The following SLTM variants were observed in gnomAD, a reference collection of about 807,000 sequenced individuals.
SLTM encodes SAFB-like transcription modulator.
SLTM carries 43 observed loss-of-function variants against 134.6 expected under a neutral mutation model. The ratio of observed to expected loss-of-function variants is 0.32; its 90% CI spans 0.25 to 0.41. SLTM has a LOEUF of 0.41. SLTM is among the 10% of genes least tolerant of loss of function. SLTM has a pLI of 1.00. For missense variants in SLTM, 1,055 were observed against 1,288.8 expected, an observed-to-expected ratio of 0.82 and a Z score of 2.78; for synonymous variants, 424 against 432.3, an observed-to-expected ratio of 0.98 and a Z score of 0.24.
At chr15:58,926,613 CTTTTT>C (rs377711971) in intron 2 of SLTM, among the ~76,000 whole-genome samples, 3 of 141,736 alleles carry the variant, frequency 2.1e-5, no homozygotes, top group African/African-American at 7.7e-5. Flanking sequence ...TCTGGATTAC[CTTTTT>C]TTTTTTTTTT....
intron 2 of SLTM, 46 bp downstream of exon 2, chr15:58,932,310 A>T (rs1387010594): frequency 6.9e-7 from 1 of 1,447,712 alleles, no homozygotes; most frequent in South Asian, 1.1e-5. Context: ...GAGGCAAGTT[A>T]TATAACCAAA....
chr15:58,889,660 A>C, intron 15 of SLTM, 106 bp from the exon 16 acceptor site: 1 of 1,426,582 alleles, frequency 7.0e-7, no homozygotes, highest in Non-Finnish European at 9.5e-7. Flanking sequence ...CATCATAAGC[A>C]AAGACCAGGC....
rs138265771 is a variant in SLTM at position 58,906,497 on chromosome 15, G to A, written c.562-5210C>T. Among the ~76,000 whole-genome samples the A allele has an allele frequency of 1.9e-3, 287 of 152,258 alleles. 8 individuals are homozygous for A. The highest frequency in any genetic ancestry group is 0.012 in the Admixed American group (188 of 15,302). On this transcript the variant is annotated intron_variant, in intron 5 of 20. Coordinates refer to ENST00000380516, the MANE Select transcript of SLTM (RefSeq NM_024755.4). ...AATGACTACTAAGAGACAAAGACAA[G>A]CCTAGGACTTATTTTTCAGTGAACC... is the stretch of plus-strand genomic sequence containing the variant.
chr15:58,894,283 C>T lies in SLTM; in HGVS notation c.1378-90G>A, dbSNP rs1302663502. 14 of 1,406,296 alleles carry T rather than the reference C, an allele frequency of 1.0e-5. No homozygotes were observed. The Middle Eastern group carries it at 7.6e-4, about 76-fold the overall frequency. The allele number at this position is 1,406,296 out of a possible 1,614,324, so 87.1% of individuals were successfully genotyped here. On this transcript the variant is annotated intron_variant, in intron 10 of 20. Coordinates refer to ENST00000380516, the MANE Select transcript of SLTM (RefSeq NM_024755.4). Reference sequence around the variant, plus strand: ...GTGCTAATGGCAGAAAATTTGGAAACGATAGGAAAAATATAAGGAGAGTAA... The same window carrying T: ...GTGCTAATGGCAGAAAATTTGGAAATGATAGGAAAAATATAAGGAGAGTAA...
In SLTM at chr15:58,886,220, T is replaced by A. The variant is rs7183085; in HGVS notation, c.2835+755A>T. Among the ~76,000 whole-genome samples the A allele has an allele frequency of 6.6e-3, 176 of 26,688 alleles. 1 individual carries two copies. The highest frequency in any genetic ancestry group is 0.015 in the African/African-American group (79 of 5,300). 17.5% of individuals were successfully genotyped at this position (26,688 alleles called of 152,430 possible). ...AAATGAAGCAGGAGAAAAAGAAGAG[T>A]GTGTGTGTGTGTGTGTGTGTGTGTG... On this transcript the variant is annotated intron_variant, in intron 19 of 20. Coordinates refer to ENST00000380516, the MANE Select transcript of SLTM (RefSeq NM_024755.4).
intron 9 of SLTM, 126 bp from the exon 10 acceptor site, chr15:58,894,708 T>TTG: frequency 7.5e-6 from 6 of 796,232 alleles, no homozygotes; most frequent in African/African-American, 3.6e-5. Flanking sequence ...GTCTCATGTT[T>TTG]TTTTTTTTTT....
rs769380453 is a variant in SLTM at position 58,933,599 on chromosome 15, T to G, written c.-34A>C. The G allele has an allele frequency of 5.9e-5, 91 of 1,538,558 alleles. No individual in the cohort carries two copies. Among genetic ancestry groups the G allele is most frequent in the Non-Finnish European group, 7.8e-5 (89 of 1,143,896 alleles). On this transcript the variant is annotated 5_prime_UTR_variant, in exon 1 of 21. Coordinates refer to ENST00000380516, the MANE Select transcript of SLTM (RefSeq NM_024755.4). ...AGCAGCGCGCTGCCGAGGCAGCGAG[T>G]GGGCTGCAGGGCGGCGGCAGCAGCG...
In SLTM at chr15:58,913,571, T is replaced by C; in HGVS notation, c.441A>G (p.Glu147=). 2 of 1,613,516 alleles carry C rather than the reference T, an allele frequency of 1.2e-6. No individual in the cohort carries two copies. The highest frequency in any genetic ancestry group is 1.7e-6 in the Non-Finnish European group (2 of 1,179,848). ...VHSKELLSAE[E]NKRAHELIEA... ...CTATTAATTCATGAGCTCTCTTGTT[T>C]TCTTCTGCAGAGAGTAACTCCTTGG... Residue 147 remains glutamate (E), a synonymous_variant, in exon 4 of 21, where the codon GAA becomes GAG. Transcript: ENST00000380516.
chr15:58,893,708 T>G lies in SLTM; in HGVS notation c.1648+113A>C, dbSNP rs1019124581. 2.0e-5 allele frequency: 23 copies of G among 1,155,526 alleles called. No individual in the cohort carries two copies. In the African/African-American group the frequency reaches 3.0e-4, roughly 15 times the overall value. 71.6% of individuals were successfully genotyped at this position (1,155,526 alleles called of 1,614,324 possible). A position where few individuals can be genotyped will look rare whatever the true frequency, so the allele number is the denominator to read the frequency against. On this transcript the variant is annotated intron_variant, in intron 12 of 20. Coordinates refer to ENST00000380516, the MANE Select transcript of SLTM (RefSeq NM_024755.4). Reference sequence around the variant, plus strand: ...TACTAGACCTCCTTTCCTACCACAATGACACCTAACAACAAAGCTTATATC... The same window carrying G: ...TACTAGACCTCCTTTCCTACCACAAGGACACCTAACAACAAAGCTTATATC...
At chr15:58,901,692 A>G (rs2035498983) in intron 5 of SLTM, among the ~76,000 whole-genome samples, 1 of 152,216 alleles carries the variant, frequency 6.6e-6, no homozygotes. Flanking sequence ...CAGAAAGTAT[A>G]ATCTGTAGAC....
intron 2 of SLTM, among the ~76,000 whole-genome samples, chr15:58,922,632 ATATATAT>A (rs1436768995): frequency 6.8e-5 from 10 of 147,128 alleles, no homozygotes; most frequent in South Asian, 4.2e-4. Context: ...CATGTATAAA[ATATATAT>A]TATATATTAT....
intron 2 of SLTM, chr15:58,921,350 A>G (rs2037029848): frequency 6.3e-6 from 1 of 158,710 alleles, no homozygotes; most frequent in South Asian, 1.7e-4. Context: ...ATCTCTGAGG[A>G]GTTACAATGT....
At chr15:58,902,059 G>T (rs2035521992) in intron 5 of SLTM, among the ~76,000 whole-genome samples, 1 of 152,044 alleles carries the variant, frequency 6.6e-6, no homozygotes, top group Non-Finnish European at 1.5e-5. Context: ...TTAAGAATGT[G>T]CTAGCTTAAA....
intron 3 of SLTM, among the ~76,000 whole-genome samples, chr15:58,915,576 A>T (rs1041920807): frequency 1.2e-4 from 19 of 152,232 alleles, no homozygotes; most frequent in Non-Finnish European, 2.1e-4. Context: ...ACCAAAACTT[A>T]AAGGCTCAAA....
chr15:58,884,417 C>G (rs1435985093), intron 19 of SLTM, among the ~76,000 whole-genome samples: 1 of 152,074 alleles, frequency 6.6e-6, no homozygotes. Flanking sequence ...CCCCCGGATT[C>G]AAGCGATTCT....
chr15:58,916,836 C>A, intron 3 of SLTM, 99 bp downstream of exon 3: 1 of 913,776 alleles, frequency 1.1e-6, no homozygotes, highest in Non-Finnish European at 1.7e-6. Flanking sequence ...CTTTAACCTA[C>A]ATACTTCAGT....
chr15:58,916,904 A>C (rs1027907575), intron 3 of SLTM, 31 bp downstream of exon 3: 1 of 1,585,356 alleles, frequency 6.3e-7, no homozygotes. Flanking sequence ...GCTTAAAATA[A>C]GCATCTTAAC....
At chr15:58,910,197 G>A (rs759789263) in intron 5 of SLTM, among the ~76,000 whole-genome samples, 104 of 152,232 alleles carry the variant, frequency 6.8e-4, no homozygotes, top group Admixed American at 4.6e-3. Flanking sequence ...AATGCAGAAG[G>A]GAGAAAGTAA....
At position 58,932,498 on chromosome 15, in the gene SLTM, A is replaced by G. The variant is rs1236623180; in HGVS notation, c.163-55T>C. Reference sequence around the variant, plus strand: ...CACAATCTATCTAAACTTATTTTATAAAAACGAAATGAAAAAAAATTTAGC... The same window carrying G: ...CACAATCTATCTAAACTTATTTTATGAAAACGAAATGAAAAAAAATTTAGC... On this transcript the variant is annotated intron_variant, in intron 1 of 20. Coordinates refer to ENST00000380516, the MANE Select transcript of SLTM (RefSeq NM_024755.4). 2.9e-6 allele frequency: 4 copies of G among 1,378,728 alleles called. No homozygotes were observed. The East Asian group carries it at 6.9e-5, about 24-fold the overall frequency. The allele number at this position is 1,378,728 out of a possible 1,614,324, so 85.4% of individuals were successfully genotyped here.
Sources: gnomAD v4.1 joint callset for allele counts (sites outside exome capture counted in the v4.1 genomes callset) on GRCh38, gnomAD v4.1.1 for gene constraint, MANE v1.5 for transcripts, NCBI Gene and HGNC (gene_info 2026-07-23, HGNC 2026-07-21) for gene names.